The following NEK11 variants were observed in gnomAD, a reference collection of about 807,000 sequenced individuals.
NEK11 encodes NIMA related kinase 11, also known as serine/threonine-protein kinase Nek11.
In NEK11, 72 loss-of-function variants were observed where a neutral mutation model predicts 80.7. The observed-to-expected ratio is 0.89, with a 90% CI of 0.74 to 1.08. NEK11 has a LOEUF of 1.08. Ranked by LOEUF, NEK11 falls within the 50% of genes least tolerant of loss-of-function variation. The probability of loss-of-function intolerance (pLI) is 0.00; values close to 1 mark genes in which losing one functional copy is unlikely to be tolerated. For missense variants in NEK11, 764 were observed against 763.6 expected (o/e 1.00, Z -0.01); for synonymous variants, 251 against 260.7 (o/e 0.96, Z 0.36).
At chr3:131,125,674 A>G (rs540904398) in intron 5 of NEK11, among the ~76,000 whole-genome samples, 1 of 152,336 alleles carries the variant, frequency 6.6e-6, no homozygotes, top group South Asian at 2.1e-4. Context: ...ATTATGTAGT[A>G]CAGCACATAA....
chr3:131,236,801 G>A (rs2095438640), intron 15 of NEK11, among the ~76,000 whole-genome samples: 1 of 152,184 alleles, frequency 6.6e-6, no homozygotes. Context: ...GGTGCCATCA[G>A]CTCTGTCCTA....
chr3:131,108,312 T>A (rs2079519793), intron 4 of NEK11, among the ~76,000 whole-genome samples: 1 of 152,174 alleles, frequency 6.6e-6, no homozygotes, highest in African/African-American at 2.4e-5. Context: ...TTCCTTTGCA[T>A]CTTAACAACA....
chr3:131,094,659 C>T (rs1467041927), intron 4 of NEK11, among the ~76,000 whole-genome samples: 3 of 152,150 alleles, frequency 2.0e-5, no homozygotes, highest in Non-Finnish European at 4.4e-5. Flanking sequence ...ACTGTTATAT[C>T]AGCAACCTTC....
chr3:131,125,601 C>G (rs1024847483), intron 5 of NEK11, among the ~76,000 whole-genome samples: 20 of 152,262 alleles, frequency 1.3e-4, no homozygotes, highest in Non-Finnish European at 2.5e-4. Context: ...AAAAAACTCT[C>G]TAACCTGAGT....
At chr3:131,274,220 G>C (rs1210708342) in intron 17 of NEK11, among the ~76,000 whole-genome samples, 5 of 147,570 alleles carry the variant, frequency 3.4e-5, no homozygotes, top group Non-Finnish European at 7.4e-5. Flanking sequence ...TTGGTTTTTT[G>C]TTCTTGCGAT....
At position 131,032,976 on chromosome 3, in the gene NEK11, A is replaced by G. The variant is rs566786488; in HGVS notation, c.170+3098A>G. Among the ~76,000 whole-genome samples, 3 of 152,334 alleles carry G rather than the reference A, an allele frequency of 2.0e-5. No homozygotes were observed. The East Asian group carries it at 5.8e-4, about 29-fold the overall frequency. On this transcript the variant is annotated intron_variant, in intron 3 of 17. Transcript: ENST00000383366. ...TCTGGATTACTTTTAAATGAGAAAA[A>G]TTTCCCAAATAAACCAATCTGAAAC...
intron 4 of NEK11, among the ~76,000 whole-genome samples, chr3:131,092,581 C>T (rs993399731): frequency 5.3e-5 from 8 of 152,256 alleles, no homozygotes; most frequent in Middle Eastern, 3.4e-3. Context: ...CATACATATT[C>T]CCATGTTCAT....
chr3:131,331,674 G>C (rs1057121760), intron 17 of NEK11, among the ~76,000 whole-genome samples: 5 of 152,220 alleles, frequency 3.3e-5, no homozygotes, highest in Non-Finnish European at 5.9e-5. Context: ...TGCCTCACTC[G>C]GGAAGCGCAA....
chr3:131,337,191 A>G (rs2097199957), intron 17 of NEK11, among the ~76,000 whole-genome samples: 2 of 152,322 alleles, frequency 1.3e-5, no homozygotes, highest in South Asian at 2.1e-4. Flanking sequence ...CACTATTCAC[A>G]ATAGCAAAGA....
At chr3:131,252,182 A>G (rs757599329) in intron 16 of NEK11, among the ~76,000 whole-genome samples, 4 of 152,134 alleles carry the variant, frequency 2.6e-5, no homozygotes, top group Non-Finnish European at 4.4e-5. Context: ...AAGCTTAAGT[A>G]TGTCAGAGTA....
chr3:131,095,775 T>G (rs945435073), intron 4 of NEK11, among the ~76,000 whole-genome samples: 2 of 152,148 alleles, frequency 1.3e-5, no homozygotes, highest in African/African-American at 2.4e-5. Flanking sequence ...CTTTGAGAAA[T>G]TCCAGAAGTC....
chr3:131,058,153 T>C (rs1244101388), intron 3 of NEK11, among the ~76,000 whole-genome samples: 48 of 152,054 alleles, frequency 3.2e-4, no homozygotes, highest in Middle Eastern at 3.4e-3. Flanking sequence ...GGAATCCTTT[T>C]CCCATTGCTT....
chr3:131,309,029 G>A (rs1362090830), intron 17 of NEK11, among the ~76,000 whole-genome samples: 1 of 152,228 alleles, frequency 6.6e-6, no homozygotes, highest in East Asian at 1.9e-4. Context: ...AGCTCAGGTG[G>A]TAATGCTCTC....
At chr3:131,252,614 G>T (rs1009033062) in intron 16 of NEK11, among the ~76,000 whole-genome samples, 8 of 152,100 alleles carry the variant, frequency 5.3e-5, no homozygotes, top group Admixed American at 4.6e-4. Context: ...TTCAAGTTCA[G>T]TGTATTAGTC....
At chr3:131,154,908 ATGCT>A (rs1352353333) in intron 9 of NEK11, 124 bp from the exon 10 acceptor site, 7 of 598,276 alleles carry the variant, frequency 1.2e-5, no homozygotes, top group Non-Finnish European at 2.1e-5. Flanking sequence ...GAAAACTAGC[ATGCT>A]TTGTTCTCAG....
At chr3:131,197,265 C>T (rs140672692) in intron 14 of NEK11, among the ~76,000 whole-genome samples, 2,004 of 152,230 alleles carry the variant, frequency 0.013, 40 homozygotes, top group African/African-American at 0.045. Flanking sequence ...CTAACTGCTT[C>T]CTGCTGAATT....
At chr3:131,080,976 T>C (rs904299742) in intron 4 of NEK11, among the ~76,000 whole-genome samples, 2 of 151,806 alleles carry the variant, frequency 1.3e-5, no homozygotes, top group African/African-American at 4.9e-5. Flanking sequence ...CGGGCGTGGT[T>C]GTATGAGCCT....
At position 131,187,093 on chromosome 3, in the gene NEK11, A is replaced by G. The variant is rs186600182; in HGVS notation, c.1399+16206A>G. ...TGTTTCTGGTGCTGTGCGTTTGAGG[A>G]GCACACACTGAAAGCAATTTGTCTA... On this transcript the variant is annotated intron_variant, in intron 14 of 17. Coordinates refer to ENST00000383366, the MANE Select transcript of NEK11 (RefSeq NM_024800.5). Among the ~76,000 whole-genome samples the G allele has an allele frequency of 4.6e-4, 70 of 152,262 alleles. 2 individuals carry two copies. The East Asian group carries it at 0.013, about 29-fold the overall frequency.
chr3:131,311,484 C>T (rs964518447), intron 17 of NEK11, among the ~76,000 whole-genome samples: 5 of 152,118 alleles, frequency 3.3e-5, no homozygotes, highest in African/African-American at 1.2e-4. Context: ...GGGCAAATTG[C>T]CTAAGTTTTC....
Sources: gnomAD v4.1 joint callset for allele counts (sites outside exome capture counted in the v4.1 genomes callset) on GRCh38, gnomAD v4.1.1 for gene constraint, MANE v1.5 for transcripts, NCBI Gene and HGNC (gene_info 2026-07-23, HGNC 2026-07-21) for gene names.